DUSP8: variants seen among roughly 807,000 people sequenced by gnomAD.
DUSP8 encodes the protein dual specificity phosphatase 8.
DUSP8 carries 15 observed loss-of-function variants against 38.7 expected under a neutral mutation model. That is an observed-to-expected ratio of 0.39 (90% CI 0.26 to 0.60). The LOEUF (loss-of-function observed/expected upper bound fraction) is 0.60, where lower values mean the gene tolerates loss of function less well. Among genes scored for constraint, DUSP8 ranks in the 20% least tolerant of loss-of-function variants. The probability of loss-of-function intolerance (pLI) is 0.56; values close to 1 mark genes in which losing one functional copy is unlikely to be tolerated. For missense variants in DUSP8, 768 were observed against 915.0 expected (o/e 0.84, Z 2.07); for synonymous variants, 458 against 433.9 (o/e 1.06, Z -0.69).
chr11:1,556,457 A>G lies in DUSP8; in HGVS notation c.*61T>C. On this transcript the variant is annotated 3_prime_UTR_variant, in exon 7 of 7. Coordinates refer to ENST00000397374, the MANE Select transcript of DUSP8 (RefSeq NM_004420.3). This position sits in a 1 kb window ranked among gnomAD's most constrained non-coding sequence, Gnocchi z 5.2. ...AACCATTTACCTTTCTTTGCATTAT[A>G]TATAATATACATTTATAACGGGCCT... is the stretch of plus-strand genomic sequence containing the variant. 1 of 1,230,736 alleles carries G rather than the reference A, an allele frequency of 8.1e-7. No homozygotes were observed. Among genetic ancestry groups the G allele is most frequent in the Non-Finnish European group, 1.0e-6 (1 of 986,982 alleles). The allele number at this position is 1,230,736 out of a possible 1,614,324, so 76.2% of individuals were successfully genotyped here.
intron 3 of DUSP8, among the ~76,000 whole-genome samples, chr11:1,561,227 C>G (rs1328202384): frequency 2.0e-5 from 3 of 152,166 alleles, no homozygotes; most frequent in African/African-American, 7.2e-5. Context: ...TCCCAGTATC[C>G]CTGCTCCCTG....
chr11:1,558,425 C>T lies in DUSP8; in HGVS notation c.538-154G>A, dbSNP rs1196499218. 6.6e-6 allele frequency among the ~76,000 whole-genome samples: 1 copy of T among 152,056 alleles called. No individual in the cohort carries two copies. Among genetic ancestry groups the T allele is most frequent in the African/African-American group, 2.4e-5 (1 of 41,398 alleles). ...ATCCCAGTGTATCCAGGGGAGGGCC[C>T]AGGAGGCCTCTCTGGTCCACCCTGG... On this transcript the variant is annotated intron_variant, in intron 4 of 6. Coordinates refer to ENST00000397374, the MANE Select transcript of DUSP8 (RefSeq NM_004420.3). The surrounding 1 kb of genome is among the most constrained non-coding windows in gnomAD (Gnocchi z 6.3).
chr11:1,554,589 T>C lies in DUSP8; in HGVS notation c.*1929A>G. On this transcript the variant is annotated 3_prime_UTR_variant, in exon 7 of 7. Transcript: ENST00000397374. Reference sequence around the variant, plus strand: ...CTCAAGAGTGGGAGCAGAGACAGACTGAGACAGACAGCCCCCCTCAACGGC... The same window carrying C: ...CTCAAGAGTGGGAGCAGAGACAGACCGAGACAGACAGCCCCCCTCAACGGC... 19 of 975,206 alleles carry C rather than the reference T, an allele frequency of 1.9e-5. No individual in the cohort carries two copies. Among genetic ancestry groups the C allele is most frequent in the Non-Finnish European group, 2.3e-5 (19 of 818,682 alleles). 60.4% of individuals were successfully genotyped at this position (975,206 alleles called of 1,614,324 possible). A position where few individuals can be genotyped will look rare whatever the true frequency, so the allele number is the denominator to read the frequency against.
Position 1,554,861 on chromosome 11 carries a change from T to C in DUSP8, c.*1657A>G, listed in dbSNP as rs1404959382. On this transcript the variant is annotated 3_prime_UTR_variant, in exon 7 of 7. Coordinates refer to ENST00000397374, the MANE Select transcript of DUSP8 (RefSeq NM_004420.3). ...AATCCATAGATTGCAAATACAACGA[T>C]AGCTTATTTTCTTGGGGGAACAGGA... 1.5e-5 allele frequency: 12 copies of C among 813,778 alleles called. No homozygotes were observed. Among genetic ancestry groups the C allele is most frequent in the Non-Finnish European group, 1.8e-5 (12 of 672,870 alleles). 50.4% of individuals were successfully genotyped at this position (813,778 alleles called of 1,614,324 possible).
At position 1,558,095 on chromosome 11, in the gene DUSP8, G is replaced by A. The variant is rs748030374; in HGVS notation, c.697+17C>T. On this transcript the variant is annotated intron_variant, in intron 5 of 6. Coordinates refer to ENST00000397374, the MANE Select transcript of DUSP8 (RefSeq NM_004420.3). The surrounding 1 kb of genome is among the most constrained non-coding windows in gnomAD (Gnocchi z 6.3). ...TCCTCTAGCCAGGTCCCTGCCCTCCGCCCACCGCAGACTCACCGATGAACT... is the reference window on the plus strand; with the variant it reads ...TCCTCTAGCCAGGTCCCTGCCCTCCACCCACCGCAGACTCACCGATGAACT... The A allele has an allele frequency of 5.0e-6, 8 of 1,611,804 alleles. No homozygotes were observed. Among genetic ancestry groups the A allele is most frequent in the Non-Finnish European group, 6.8e-6 (8 of 1,179,812 alleles).
chr11:1,562,029 A>T (rs1214465595), intron 3 of DUSP8, among the ~76,000 whole-genome samples: 7 of 152,214 alleles, frequency 4.6e-5, no homozygotes, highest in Non-Finnish European at 1.0e-4. Context: ...TGCAGGGCAG[A>T]TGTCAGCACA....
chr11:1,568,773 C>T lies in DUSP8; in HGVS notation c.-108-2839G>A, dbSNP rs1457600892. ...CCCTGCAGCTCGCCGGCTCCCCGCC[C>T]CCTCAGAGGCCTTCTCTGTACTGCG... On this transcript the variant is annotated intron_variant, in intron 1 of 6. Coordinates refer to ENST00000397374, the MANE Select transcript of DUSP8 (RefSeq NM_004420.3). 3.9e-5 allele frequency among the ~76,000 whole-genome samples: 6 copies of T among 152,246 alleles called. No homozygotes were observed. In the South Asian group the frequency reaches 8.3e-4, roughly 21 times the overall value.
At chr11:1,569,930 C>T (rs1848862236) in intron 1 of DUSP8, among the ~76,000 whole-genome samples, 1 of 152,206 alleles carries the variant, frequency 6.6e-6, no homozygotes, top group African/African-American at 2.4e-5. Context: ...CTCTGGGAGG[C>T]AGGGACCCTG....
chr11:1,568,712 C>T (rs1334630121), intron 1 of DUSP8, among the ~76,000 whole-genome samples: 2 of 152,204 alleles, frequency 1.3e-5, no homozygotes, highest in African/African-American at 4.8e-5. Context: ...CCTAACCTTC[C>T]TTCCCACTCC....
chr11:1,557,220 G>A lies in DUSP8; in HGVS notation c.1176C>T (p.Arg392=), dbSNP rs374762328. The A allele has an allele frequency of 1.7e-4, 249 of 1,497,280 alleles. 1 individual carries two copies. In the African/African-American group the frequency reaches 3.2e-3, roughly 19 times the overall value. 92.7% of individuals were successfully genotyped at this position (1,497,280 alleles called of 1,614,324 possible). Residue 392 remains arginine (R), a synonymous_variant, in exon 7 of 7, where the codon CGC becomes CGT. Transcript: ENST00000397374. The surrounding 1 kb of genome is among the most constrained non-coding windows in gnomAD (Gnocchi z 9.9). ...DRLQDTNRLK[R]SFSLDIKSAY... is the part of the protein sequence containing the mutation. ...CAGACTTGATGTCCAGGGAGAAGGAGCGCTTGAGGCGGTTAGTGTCCTGCA... is the reference window on the plus strand; with the variant it reads ...CAGACTTGATGTCCAGGGAGAAGGAACGCTTGAGGCGGTTAGTGTCCTGCA...
chr11:1,568,771 C>A (rs1200695835), intron 1 of DUSP8, among the ~76,000 whole-genome samples: 2 of 152,230 alleles, frequency 1.3e-5, no homozygotes, highest in East Asian at 3.9e-4. Flanking sequence ...CGGCTCCCCG[C>A]CCCCTCAGAG....
At chr11:1,559,355 TGG>T in intron 3 of DUSP8, 1 of 331,030 alleles carries the variant, frequency 3.0e-6, no homozygotes, top group Non-Finnish European at 5.5e-6. Flanking sequence ...GGCGTTGAGG[TGG>T]CTGGCCATCA....
rs1418116707 is a variant in DUSP8, at chr11:1,555,389, T to C, written c.*1129A>G. 13 of 986,868 alleles carry C rather than the reference T, an allele frequency of 1.3e-5. No homozygotes were observed. Among genetic ancestry groups the C allele is most frequent in the Non-Finnish European group, 1.6e-5 (13 of 830,102 alleles). 61.1% of individuals were successfully genotyped at this position (986,868 alleles called of 1,614,324 possible). On this transcript the variant is annotated 3_prime_UTR_variant, in exon 7 of 7. Transcript: ENST00000397374. ...TATCCCAGCAGCACAGGGGCTTGGCTGGCGCCTGAACTCCCTGTGTGAGCA... is the reference window on the plus strand; with the variant it reads ...TATCCCAGCAGCACAGGGGCTTGGCCGGCGCCTGAACTCCCTGTGTGAGCA...
At chr11:1,570,473 G>A (rs1230973230) in intron 1 of DUSP8, among the ~76,000 whole-genome samples, 1 of 152,128 alleles carries the variant, frequency 6.6e-6, no homozygotes, top group Non-Finnish European at 1.5e-5. Flanking sequence ...CTGTCCAGTG[G>A]CAGCCTCTAG....
Position 1,555,493 on chromosome 11 carries a change from G to A in DUSP8, c.*1025C>T, listed in dbSNP as rs1404230572. ...CTGCCTGGGGCATGGCTGGGAGGGGGGCGGGGCAGACCTGGAACAGAACCC... is the reference window on the plus strand; with the variant it reads ...CTGCCTGGGGCATGGCTGGGAGGGGAGCGGGGCAGACCTGGAACAGAACCC... On this transcript the variant is annotated 3_prime_UTR_variant, in exon 7 of 7. Transcript: ENST00000397374. 7.2e-6 allele frequency: 5 copies of A among 690,516 alleles called. No individual in the cohort carries two copies. The highest frequency in any genetic ancestry group is 1.9e-5 in the African/African-American group (1 of 51,434). The allele number at this position is 690,516 out of a possible 1,614,324, so 42.8% of individuals were successfully genotyped here. A position where few individuals can be genotyped will look rare whatever the true frequency, so the allele number is the denominator to read the frequency against.
intron 2 of DUSP8, among the ~76,000 whole-genome samples, chr11:1,564,672 G>A (rs1386676500): frequency 2.6e-5 from 4 of 152,214 alleles, no homozygotes; most frequent in Non-Finnish European, 4.4e-5. Flanking sequence ...CAGCTGAGCC[G>A]CCAACCCTGG....
At chr11:1,568,432 CA>C (rs1848838810) in intron 1 of DUSP8, among the ~76,000 whole-genome samples, 1 of 152,162 alleles carries the variant, frequency 6.6e-6, no homozygotes, top group Admixed American at 6.5e-5. Context: ...GCCTCCTAAG[CA>C]ACGCTGAGCT....
At chr11:1,572,404 CG>C (rs2133456639), upstream of DUSP8, among the ~76,000 whole-genome samples, 1 of 51,280 alleles carries the variant, frequency 2.0e-5, no homozygotes, top group South Asian at 7.2e-4. The surrounding 1 kb of genome is among the most constrained non-coding windows in gnomAD (Gnocchi z 4.7). Flanking sequence ...AGCCCGGGCT[CG>C]GGGTGAAGCT....
At chr11:1,569,962 C>T (rs566728169) in intron 1 of DUSP8, among the ~76,000 whole-genome samples, 6 of 152,336 alleles carry the variant, frequency 3.9e-5, no homozygotes, top group African/African-American at 1.2e-4. Flanking sequence ...GTCAGCTCAT[C>T]TTCCCTCACT....
Sources: gnomAD v4.1 joint callset for allele counts (sites outside exome capture counted in the v4.1 genomes callset) on GRCh38, gnomAD v4.1.1 for gene constraint, Gnocchi (gnomAD v3.1) non-coding constraint, MANE v1.5 for transcripts, NCBI Gene and HGNC (gene_info 2026-07-23, HGNC 2026-07-21) for gene names.